The following PRKN variants were observed in gnomAD, a reference collection of about 807,000 sequenced individuals.
The protein encoded by PRKN is parkin RBR E3 ubiquitin protein ligase.
Under a neutral mutation model 59.5 loss-of-function variants are expected in PRKN, and 56 were observed. The observed-to-expected ratio is 0.94, with a 90% CI of 0.76 to 1.18. The LOEUF (loss-of-function observed/expected upper bound fraction) is 1.18. Among genes scored for constraint, PRKN ranks in the 50% most tolerant of loss-of-function variants. The probability of loss-of-function intolerance (pLI) is 0.00; values close to 1 mark genes in which losing one functional copy is unlikely to be tolerated. For synonymous variants in PRKN, 250 were observed against 222.1 expected (o/e 1.13, Z -1.12); for missense variants, 657 against 596.4 (o/e 1.10, Z -1.06).
At chr6:161,736,512 C>A (rs1429692495) in intron 7 of PRKN, among the ~76,000 whole-genome samples, 2 of 152,172 alleles carry the variant, frequency 1.3e-5, no homozygotes, top group East Asian at 3.9e-4. Context: ...TTGCAACCAG[C>A]CTGCCATTCA....
intron 2 of PRKN, among the ~76,000 whole-genome samples, chr6:162,365,013 G>C (rs1362998717): frequency 6.8e-6 from 1 of 146,856 alleles, no homozygotes; most frequent in Non-Finnish European, 1.5e-5. Flanking sequence ...TGTAGTGTGG[G>C]ATTTTCTTTG....
Position 161,708,767 on chromosome 6 carries a change from G to A in PRKN, c.871+77005C>T, listed in dbSNP as rs552292992. On this transcript the variant is annotated intron_variant, in intron 7 of 11. Coordinates refer to ENST00000366898, the MANE Select transcript of PRKN (RefSeq NM_004562.3). ...ATCAAGCCTAGAACGATGCAGCGAC[G>A]TGCCCCAGGTTGCCTGTAAGCAGTG... Among the ~76,000 whole-genome samples, 43 of 152,234 alleles carry A rather than the reference G, an allele frequency of 2.8e-4. 2 individuals carry two copies. The South Asian group carries it at 8.3e-3, about 29-fold the overall frequency.
At chr6:162,655,203 A>G (rs1233082901) in intron 1 of PRKN, among the ~76,000 whole-genome samples, 1 of 152,138 alleles carries the variant, frequency 6.6e-6, no homozygotes, top group Non-Finnish European at 1.5e-5. Context: ...ATATATTATC[A>G]CATTTGTATT....
chr6:162,656,824 C>A (rs1778662224), intron 1 of PRKN, among the ~76,000 whole-genome samples: 1 of 152,134 alleles, frequency 6.6e-6, no homozygotes, highest in South Asian at 2.1e-4. Context: ...ATAAGACATA[C>A]TCCTTCCCTC....
chr6:162,050,803 G>A (rs1021867515), intron 5 of PRKN, among the ~76,000 whole-genome samples: 3 of 152,230 alleles, frequency 2.0e-5, no homozygotes, highest in African/African-American at 7.2e-5. Context: ...CCCTCGCTGG[G>A]ACTTGAGGCC....
intron 1 of PRKN, among the ~76,000 whole-genome samples, chr6:162,475,765 T>A (rs1249519752): frequency 6.6e-6 from 1 of 152,248 alleles, no homozygotes; most frequent in Non-Finnish European, 1.5e-5. Flanking sequence ...ATTTATGTAT[T>A]TTGAGACGGA....
intron 2 of PRKN, among the ~76,000 whole-genome samples, chr6:162,288,504 A>G (rs1781292811): frequency 6.6e-6 from 1 of 152,164 alleles, no homozygotes; most frequent in Non-Finnish European, 1.5e-5. Flanking sequence ...TGTGCAAGTG[A>G]GCTCCATGAA....
At chr6:161,604,748 A>C (rs1405634257) in intron 7 of PRKN, among the ~76,000 whole-genome samples, 1 of 152,198 alleles carries the variant, frequency 6.6e-6, no homozygotes, top group Non-Finnish European at 1.5e-5. Flanking sequence ...CAGCCTTGCT[A>C]ACATGGCGAA....
chr6:161,944,133 G>GAATCA (rs1239172958), intron 6 of PRKN, among the ~76,000 whole-genome samples: 28 of 144,528 alleles, frequency 1.9e-4, no homozygotes, highest in South Asian at 1.7e-3. Flanking sequence ...CCAGCCTGAG[G>GAATCA]GATCAGCCTG....
intron 5 of PRKN, among the ~76,000 whole-genome samples, chr6:162,023,728 C>G (rs1377764582): frequency 1.3e-5 from 2 of 152,036 alleles, no homozygotes; most frequent in Non-Finnish European, 1.5e-5. Context: ...CATTTGGGCC[C>G]GAAAGCAGGA....
intron 1 of PRKN, among the ~76,000 whole-genome samples, chr6:162,475,097 A>C (rs1444886523): frequency 6.6e-6 from 1 of 152,188 alleles, no homozygotes; most frequent in Non-Finnish European, 1.5e-5. Context: ...ACTTTTTATC[A>C]GCAATATTAA....
chr6:162,411,530 T>G (rs1437104303), intron 2 of PRKN, among the ~76,000 whole-genome samples: 1 of 152,158 alleles, frequency 6.6e-6, no homozygotes, highest in South Asian at 2.1e-4. Context: ...TGTGATAAAT[T>G]ACAGAAGCAA....
intron 1 of PRKN, among the ~76,000 whole-genome samples, chr6:162,492,956 CAA>C (rs34716532): frequency 0.25 from 28,207 of 110,770 alleles, 2,973 homozygotes; most frequent in African/African-American, 0.28. Context: ...TTGTCTCAAA[CAA>C]AAAAAAAAAA....
rs117379916 is a variant in PRKN at position 161,841,862 on chromosome 6, A to G, written c.735-55954T>C. Among the ~76,000 whole-genome samples, 392 of 152,244 alleles carry G rather than the reference A, an allele frequency of 2.6e-3. 12 individuals are homozygous for G. The East Asian group carries it at 0.065, about 25-fold the overall frequency. On this transcript the variant is annotated intron_variant, in intron 6 of 11. Coordinates refer to ENST00000366898, the MANE Select transcript of PRKN (RefSeq NM_004562.3). Reference sequence around the variant, plus strand: ...TGCCTTCTGAGTAATTTTCTATCCAACAACCCCCAACCACTCTGTCTCATC... The same window carrying G: ...TGCCTTCTGAGTAATTTTCTATCCAGCAACCCCCAACCACTCTGTCTCATC...
chr6:161,606,675 A>C (rs1384168245), intron 7 of PRKN, among the ~76,000 whole-genome samples: 2 of 152,220 alleles, frequency 1.3e-5, no homozygotes, highest in African/African-American at 4.8e-5. Context: ...CACTGTCTGC[A>C]GAAGGGAAAT....
intron 1 of PRKN, among the ~76,000 whole-genome samples, chr6:162,458,342 C>T (rs911951508): frequency 6.7e-6 from 1 of 149,136 alleles, no homozygotes; most frequent in African/African-American, 2.5e-5. Context: ...AGGAGAATCA[C>T]TTGAACCCAG....
Position 161,470,448 on chromosome 6 carries a change from G to A in PRKN, c.1083+78406C>T, listed in dbSNP as rs1001445276. 4.1e-4 allele frequency among the ~76,000 whole-genome samples: 63 copies of A among 152,230 alleles called. No individual in the cohort carries two copies. Among genetic ancestry groups the A allele is most frequent in the Middle Eastern group, 6.8e-3 (2 of 294 alleles). On this transcript the variant is annotated intron_variant, in intron 9 of 11. Coordinates refer to ENST00000366898, the MANE Select transcript of PRKN (RefSeq NM_004562.3). The surrounding 1 kb of genome is among the most constrained non-coding windows in gnomAD (Gnocchi z 5.1). ...TGAACACTCAAGAGTAATTCTCAACGGATCAGAACTTCCTGAGAGCAGGAC... is the reference window on the plus strand; with the variant it reads ...TGAACACTCAAGAGTAATTCTCAACAGATCAGAACTTCCTGAGAGCAGGAC...
chr6:162,269,200 T>C (rs1780265430), intron 2 of PRKN, among the ~76,000 whole-genome samples: 1 of 152,170 alleles, frequency 6.6e-6, no homozygotes, highest in Non-Finnish European at 1.5e-5. Flanking sequence ...TCACGTCGTA[T>C]TGTAGTTTCT....
chr6:161,379,900 T>C lies in PRKN; in HGVS notation c.1167+6894A>G, dbSNP rs555309849. ...AACATGTACTATTACAATTCCCTAC[T>C]AAGTGTTTTTCATATTACAGCCAGA... On this transcript the variant is annotated intron_variant, in intron 10 of 11. Coordinates refer to ENST00000366898, the MANE Select transcript of PRKN (RefSeq NM_004562.3). This position sits in a 1 kb window ranked among gnomAD's most constrained non-coding sequence, Gnocchi z 4.9. 3.9e-5 allele frequency among the ~76,000 whole-genome samples: 6 copies of C among 152,216 alleles called. No individual in the cohort carries two copies. Among genetic ancestry groups the C allele is most frequent in the African/African-American group, 4.8e-5 (2 of 41,450 alleles).
Sources: gnomAD v4.1 joint callset for allele counts (sites outside exome capture counted in the v4.1 genomes callset) on GRCh38, gnomAD v4.1.1 for gene constraint, Gnocchi (gnomAD v3.1) non-coding constraint, MANE v1.5 for transcripts, NCBI Gene and HGNC (gene_info 2026-07-23, HGNC 2026-07-21) for gene names.